MSH3: variants seen among roughly 807,000 people sequenced by gnomAD.
MSH3 encodes the protein mutS homolog 3, also known as DNA mismatch repair protein Msh3.
In MSH3, 106 loss-of-function variants were observed where a neutral mutation model predicts 123.3. That is an observed-to-expected ratio of 0.86 (90% CI 0.73 to 1.01). The LOEUF is 1.01. Ranked by LOEUF, MSH3 falls within the 50% of genes least tolerant of loss-of-function variation. The pLI is 0.00. For synonymous variants in MSH3, 515 were observed against 481.4 expected, an observed-to-expected ratio of 1.07 and a Z score of -0.91; for missense variants, 1,459 against 1,347.6, an observed-to-expected ratio of 1.08 and a Z score of -1.29.
In MSH3 at chr5:80,670,294, TG is replaced by T. The variant is rs1749676068; in HGVS notation, c.781del (p.Glu261LysfsTer16). 1 of 1,614,034 alleles carries T rather than the reference TG, an allele frequency of 6.2e-7. No homozygotes were observed. Among genetic ancestry groups the T allele is most frequent in the African/African-American group, 1.3e-5 (1 of 74,924 alleles). ...AATGTGGATATAAGTATAGATTCTTTGGGGAAGATGCAGAGGTAAGTCGTCT... is the reference window on the plus strand; with the variant it reads ...AATGTGGATATAAGTATAGATTCTTTGGGAAGATGCAGAGGTAAGTCGTCT... ...VECGYKYRFF[G>X]EDAEIAAREL... On this transcript the variant is annotated frameshift_variant, in exon 4 of 24. Coordinates refer to ENST00000265081, the MANE Select transcript of MSH3 (RefSeq NM_002439.5). LOFTEE classifies it high-confidence loss of function.
At chr5:80,869,094 A>C (rs960318673) in intron 22 of MSH3, among the ~76,000 whole-genome samples, 4 of 152,180 alleles carry the variant, frequency 2.6e-5, no homozygotes, top group Admixed American at 2.6e-4. Context: ...CCTGTGTTTT[A>C]GTCTATTCCA....
chr5:80,736,258 A>G (rs1212808429), intron 10 of MSH3, among the ~76,000 whole-genome samples: 1 of 149,574 alleles, frequency 6.7e-6, no homozygotes, highest in Non-Finnish European at 1.5e-5. Context: ...AAGAAAAACT[A>G]CTGTTTTAAA....
At chr5:80,706,940 A>G (rs1750737644) in intron 8 of MSH3, among the ~76,000 whole-genome samples, 1 of 152,246 alleles carries the variant, frequency 6.6e-6, no homozygotes, top group South Asian at 2.1e-4. Flanking sequence ...TTTGACAGAT[A>G]CACACATCAA....
At chr5:80,821,308 A>G (rs1745202241) in intron 20 of MSH3, among the ~76,000 whole-genome samples, 1 of 152,180 alleles carries the variant, frequency 6.6e-6, no homozygotes, top group Admixed American at 6.5e-5. Context: ...TTTGTTCACT[A>G]TTTGAGGGAA....
intron 20 of MSH3, among the ~76,000 whole-genome samples, chr5:80,839,155 C>T (rs545451431): frequency 1.3e-5 from 2 of 152,158 alleles, no homozygotes; most frequent in South Asian, 2.1e-4. Context: ...TCACTTGAGG[C>T]GAGGAGTTTG....
intron 8 of MSH3, among the ~76,000 whole-genome samples, chr5:80,688,142 C>G (rs1426178622): frequency 1.3e-5 from 2 of 152,162 alleles, no homozygotes; most frequent in African/African-American, 4.8e-5. Context: ...TCATTGATAT[C>G]ATTTGAAAAA....
intron 20 of MSH3, among the ~76,000 whole-genome samples, chr5:80,843,994 G>T (rs754152539): frequency 6.6e-6 from 1 of 151,716 alleles, no homozygotes; most frequent in Non-Finnish European, 1.5e-5. Context: ...TGATGTTAAG[G>T]TGTCGATTTT....
chr5:80,835,402 C>T (rs950085999), intron 20 of MSH3, among the ~76,000 whole-genome samples: 5 of 152,040 alleles, frequency 3.3e-5, no homozygotes, highest in East Asian at 3.9e-4. Context: ...GGAGAATGGG[C>T]GATCTGTTAG....
At chr5:80,714,784 T>C (rs1750925464) in intron 8 of MSH3, among the ~76,000 whole-genome samples, 1 of 152,222 alleles carries the variant, frequency 6.6e-6, no homozygotes, top group Non-Finnish European at 1.5e-5. Context: ...GTGGAGCTCA[T>C]GTAAGGTCAT....
At chr5:80,692,036 G>A (rs1374821304) in intron 8 of MSH3, among the ~76,000 whole-genome samples, 1 of 67,168 alleles carries the variant, frequency 1.5e-5, no homozygotes, top group Non-Finnish European at 3.2e-5. Context: ...TAAACAGTAT[G>A]TTTAGATAGA....
Position 80,792,762 on chromosome 5 carries a change from T to C in MSH3, c.2573T>C (p.Val858Ala), listed in dbSNP as rs1744630181. The C allele has an allele frequency of 6.2e-7, 1 of 1,612,906 alleles. No homozygotes were observed. The highest frequency in any genetic ancestry group is 1.3e-5 in the African/African-American group (1 of 74,904). ...ACTGTACAAGAAGAAAGAAAAATTG[T>C]AATAAAAAATGGAAGGCACCCTGTG... ...RPTVQEERKIVIKNGRHPVID... is the reference protein window; with the variant it reads ...RPTVQEERKIAIKNGRHPVID... The change falls in exon 19 of 24, where the codon GTA becomes GCA. Residue 858 changes from valine to alanine, a missense_variant. Transcript: ENST00000265081.
In MSH3 at chr5:80,806,377, G is replaced by A. The variant is rs184488224; in HGVS notation, c.2656-7207G>A. ...CTCCCAAAGTGCTGGGATTACATGC[G>A]TGAGCCACTGTGCCTGGCCCAGAAT... On this transcript the variant is annotated intron_variant, in intron 19 of 23. Transcript: ENST00000265081. Among the ~76,000 whole-genome samples the A allele has an allele frequency of 1.6e-3, 241 of 152,318 alleles. 1 individual carries two copies. The highest frequency in any genetic ancestry group is 5.6e-3 in the African/African-American group (232 of 41,572).
chr5:80,673,084 C>T (rs1299103683), intron 6 of MSH3, among the ~76,000 whole-genome samples: 1 of 152,076 alleles, frequency 6.6e-6, no homozygotes, highest in Non-Finnish European at 1.5e-5. Flanking sequence ...CATCATACTT[C>T]AAGAGCAAGA....
Position 80,813,515 on chromosome 5 carries a change from T to C in MSH3, c.2656-69T>C. Reference sequence around the variant, plus strand: ...GTTTTGCCTAATGCATTTCCACTTATGAGATAAATTGTGGATATTATCAAA... The same window carrying C: ...GTTTTGCCTAATGCATTTCCACTTACGAGATAAATTGTGGATATTATCAAA... On this transcript the variant is annotated intron_variant, in intron 19 of 23. Transcript: ENST00000265081. The C allele has an allele frequency of 6.1e-6, 9 of 1,471,954 alleles. No homozygotes were observed. In the South Asian group the frequency reaches 8.0e-5, roughly 13 times the overall value. 91.2% of individuals were successfully genotyped at this position (1,471,954 alleles called of 1,614,324 possible).
chr5:80,784,881 A>G (rs1744476305), intron 17 of MSH3, among the ~76,000 whole-genome samples: 2 of 152,370 alleles, frequency 1.3e-5, no homozygotes, highest in South Asian at 2.1e-4. Context: ...GTAAATAAGT[A>G]TACAGTATAC....
intron 18 of MSH3, among the ~76,000 whole-genome samples, chr5:80,789,952 G>C (rs1744580365): frequency 1.3e-5 from 2 of 152,166 alleles, no homozygotes; most frequent in African/African-American, 2.4e-5. Flanking sequence ...CTGTTTACCT[G>C]TTATGTTGAC....
At chr5:80,834,943 C>T (rs918246428) in intron 20 of MSH3, among the ~76,000 whole-genome samples, 3 of 152,196 alleles carry the variant, frequency 2.0e-5, no homozygotes, top group African/African-American at 7.2e-5. Flanking sequence ...TTAGCCCTGT[C>T]ACCTTGAGGA....
chr5:80,775,102 T>TA (rs918960926), intron 15 of MSH3, among the ~76,000 whole-genome samples: 10 of 151,438 alleles, frequency 6.6e-5, no homozygotes, highest in South Asian at 2.1e-4. Context: ...CCCACAAAAA[T>TA]AAAAAAAAGA....
chr5:80,657,883 A>G (rs1164789543), intron 2 of MSH3, among the ~76,000 whole-genome samples: 2 of 152,020 alleles, frequency 1.3e-5, no homozygotes, highest in Non-Finnish European at 2.9e-5. Context: ...TGCCACGGTT[A>G]ATGTTACAAT....
Sources: allele counts gnomAD v4.1 joint callset (sites outside exome capture counted in the v4.1 genomes callset), GRCh38; gene constraint gnomAD v4.1.1; transcripts MANE v1.5; gene names NCBI Gene and HGNC (gene_info 2026-07-23, HGNC 2026-07-21).